The following SPOCK3 variants were observed in gnomAD, a reference collection of about 807,000 sequenced individuals.
SPOCK3 encodes testican-3.
A neutral mutation model predicts 56.6 loss-of-function variants in SPOCK3; 30 were observed. The ratio of observed to expected loss-of-function variants is 0.53; its 90% CI spans 0.40 to 0.72. The LOEUF (loss-of-function observed/expected upper bound fraction) is 0.72. Ranked by LOEUF, SPOCK3 falls within the 30% of genes least tolerant of loss-of-function variation. The pLI, the probability that SPOCK3 is intolerant of heterozygous loss-of-function variation, is 0.00. For synonymous variants in SPOCK3, 196 were observed against 183.3 expected (o/e 1.07, Z -0.56); for missense variants, 527 against 530.0 (o/e 0.99, Z 0.06).
chr4:166,789,741 A>G (rs976257001), intron 7 of SPOCK3, among the ~76,000 whole-genome samples: 34 of 152,210 alleles, frequency 2.2e-4, no homozygotes, highest in African/African-American at 8.0e-4. Flanking sequence ...ATATAATGGC[A>G]TATTCATCAG....
intron 7 of SPOCK3, among the ~76,000 whole-genome samples, chr4:166,781,600 C>T (rs1316215916): frequency 6.6e-6 from 1 of 151,974 alleles, no homozygotes; most frequent in Non-Finnish European, 1.5e-5. Flanking sequence ...AAGAATATTT[C>T]AATGATTAAT....
At chr4:167,231,853 G>A (rs535571336) in intron 2 of SPOCK3, among the ~76,000 whole-genome samples, 1 of 152,194 alleles carries the variant, frequency 6.6e-6, no homozygotes, top group South Asian at 2.1e-4. Flanking sequence ...CCCTCCAGAA[G>A]TCATCTTTGC....
chr4:166,928,779 C>A (rs1315115398), intron 4 of SPOCK3, among the ~76,000 whole-genome samples: 2 of 152,056 alleles, frequency 1.3e-5, no homozygotes, highest in Non-Finnish European at 2.9e-5. Context: ...GACAGCCTGG[C>A]CAACATGGTG....
intron 2 of SPOCK3, among the ~76,000 whole-genome samples, chr4:167,228,637 G>A (rs756552071): frequency 6.6e-6 from 1 of 152,100 alleles, no homozygotes; most frequent in Non-Finnish European, 1.5e-5. Context: ...GGTTGTAGTA[G>A]CAGGTTTAAA....
chr4:167,151,637 A>G (rs1483512164), intron 2 of SPOCK3, among the ~76,000 whole-genome samples: 3 of 151,624 alleles, frequency 2.0e-5, no homozygotes, highest in Admixed American at 1.3e-4. Context: ...GGGTTTCACT[A>G]TGTTAGCCAG....
chr4:166,789,507 A>G (rs1741111431), intron 7 of SPOCK3, among the ~76,000 whole-genome samples: 1 of 152,154 alleles, frequency 6.6e-6, no homozygotes, highest in African/African-American at 2.4e-5. Context: ...TAAAAAATCA[A>G]AACCAAACTA....
chr4:166,951,872 A>C (rs1561047912), intron 4 of SPOCK3, among the ~76,000 whole-genome samples: 1 of 152,180 alleles, frequency 6.6e-6, no homozygotes. Flanking sequence ...GCCTTTGACA[A>C]AATTCAACAA....
At chr4:166,964,993 G>A (rs1744560537) in intron 4 of SPOCK3, among the ~76,000 whole-genome samples, 1 of 151,844 alleles carries the variant, frequency 6.6e-6, no homozygotes, top group Non-Finnish European at 1.5e-5. Flanking sequence ...GTGTTTACAA[G>A]GCTAATCTCT....
At chr4:167,034,013 A>G (rs573255213) in intron 3 of SPOCK3, among the ~76,000 whole-genome samples, 3 of 152,194 alleles carry the variant, frequency 2.0e-5, no homozygotes, top group South Asian at 4.1e-4. Context: ...TGTATCTAAC[A>G]TAAGAAAATA....
chr4:166,988,702 A>G (rs747202941), intron 4 of SPOCK3, among the ~76,000 whole-genome samples: 12 of 151,930 alleles, frequency 7.9e-5, no homozygotes, highest in Non-Finnish European at 1.3e-4. Context: ...TCTAAATTCA[A>G]CTCCTAGCTA....
At chr4:166,897,543 C>T (rs770868533) in intron 5 of SPOCK3, among the ~76,000 whole-genome samples, 14 of 152,096 alleles carry the variant, frequency 9.2e-5, no homozygotes, top group Non-Finnish European at 4.4e-5. Context: ...TCAAACTATG[C>T]CACTGTGCAT....
chr4:167,204,650 G>A (rs965022054), intron 2 of SPOCK3, among the ~76,000 whole-genome samples: 1 of 151,794 alleles, frequency 6.6e-6, no homozygotes, highest in Non-Finnish European at 1.5e-5. Flanking sequence ...GAGACACAGA[G>A]CCAGACCATG....
chr4:167,043,632 G>C (rs961431187), intron 3 of SPOCK3, among the ~76,000 whole-genome samples: 5 of 151,824 alleles, frequency 3.3e-5, no homozygotes, highest in African/African-American at 1.2e-4. Flanking sequence ...TTTATACATA[G>C]TTTTTATCAT....
chr4:166,973,894 T>TA (rs1745655126), intron 4 of SPOCK3, among the ~76,000 whole-genome samples: 1 of 152,166 alleles, frequency 6.6e-6, no homozygotes, highest in Non-Finnish European at 1.5e-5. Context: ...TACATAAATA[T>TA]ATATACACAT....
rs141450535 is a variant in SPOCK3 at position 166,949,706 on chromosome 4, G to A, written c.351-36963C>T. Among the ~76,000 whole-genome samples the A allele has an allele frequency of 9.4e-3, 1,433 of 152,098 alleles. 16 individuals are homozygous for A. The highest frequency in any genetic ancestry group is 0.032 in the African/African-American group (1,327 of 41,488). On this transcript the variant is annotated intron_variant, in intron 4 of 10. Coordinates refer to ENST00000357545, the MANE Select transcript of SPOCK3 (RefSeq NM_001040159.2). The stretch of plus-strand genomic sequence containing the variant: ...GTCTGATCGTTCCTCTGGAAGTTTC[G>A]TCTCAGAGGAGTACCCGGCTGTGTG...
chr4:166,827,824 C>G (rs1745636536), intron 6 of SPOCK3, among the ~76,000 whole-genome samples: 1 of 116,456 alleles, frequency 8.6e-6, no homozygotes, highest in African/African-American at 3.2e-5. Flanking sequence ...TTATACATAC[C>G]TTACTCATCA....
upstream of SPOCK3, chr4:167,234,647 C>T (rs1310010535): frequency 1.1e-5 from 2 of 186,694 alleles, no homozygotes; most frequent in African/African-American, 4.7e-5. Flanking sequence ...GTTCCCCCTC[C>T]CTCCCCGACC....
At chr4:167,102,380 A>G (rs1327435929) in intron 2 of SPOCK3, 1 of 152,220 alleles carries the variant, frequency 6.6e-6, no homozygotes, top group Non-Finnish European at 1.5e-5. Flanking sequence ...GCAATTTAAC[A>G]TCTACACAAA....
At chr4:166,809,577 C>A (rs4143464) in intron 6 of SPOCK3, among the ~76,000 whole-genome samples, 1 of 151,808 alleles carries the variant, frequency 6.6e-6, no homozygotes, top group Non-Finnish European at 1.5e-5. Context: ...TTGAGTCAGA[C>A]AGTCAATGTT....
Sources: allele counts gnomAD v4.1 joint callset (sites outside exome capture counted in the v4.1 genomes callset), GRCh38; gene constraint gnomAD v4.1.1; transcripts MANE v1.5; gene names NCBI Gene and HGNC (gene_info 2026-07-23, HGNC 2026-07-21).